MYO1B: variants seen among roughly 807,000 people sequenced by gnomAD.
The protein encoded by MYO1B is unconventional myosin-Ib.
In MYO1B, 72 loss-of-function variants were observed where a neutral mutation model predicts 159.7. That is an observed-to-expected ratio of 0.45 (90% confidence interval 0.37 to 0.55). The LOEUF (loss-of-function observed/expected upper bound fraction) is 0.55, where lower values mean the gene tolerates loss of function less well. Among genes scored for constraint, MYO1B ranks in the 20% least tolerant of loss-of-function variants. The probability of loss-of-function intolerance (pLI) is 0.00; values close to 1 mark genes in which losing one functional copy is unlikely to be tolerated. For missense variants in MYO1B, 1,062 were observed against 1,364.8 expected (o/e 0.78, Z 3.50); for synonymous variants, 468 against 473.8 (o/e 0.99, Z 0.16).
At chr2:191,322,933 G>A (rs1318043418) in intron 3 of MYO1B, among the ~76,000 whole-genome samples, 1 of 152,098 alleles carries the variant, frequency 6.6e-6, no homozygotes, top group Non-Finnish European at 1.5e-5. Flanking sequence ...AAGCCCCAAG[G>A]GCTGCTGGTT....
chr2:191,354,620 C>T (rs1693152090), intron 7 of MYO1B, among the ~76,000 whole-genome samples: 1 of 151,986 alleles, frequency 6.6e-6, no homozygotes, highest in Admixed American at 6.6e-5. Flanking sequence ...CTGACAACCC[C>T]CCGCCCCCTA....
At chr2:191,418,530 C>T (rs1697724707) in intron 30 of MYO1B, among the ~76,000 whole-genome samples, 1 of 106,088 alleles carries the variant, frequency 9.4e-6, no homozygotes, top group Admixed American at 1.5e-4. Flanking sequence ...GCTCTTGTTG[C>T]CAAGGCTGGA....
chr2:191,256,029 C>T (rs549483770), intron 1 of MYO1B, among the ~76,000 whole-genome samples: 1 of 152,290 alleles, frequency 6.6e-6, no homozygotes, highest in South Asian at 2.1e-4. Flanking sequence ...GTCTCTTAAA[C>T]ACACACTGAG....
intron 7 of MYO1B, among the ~76,000 whole-genome samples, chr2:191,357,375 G>A (rs1049185752): frequency 2.6e-5 from 4 of 152,142 alleles, no homozygotes; most frequent in Non-Finnish European, 5.9e-5. Context: ...GGTGGCGGCA[G>A]CGCAGTGGGG....
chr2:191,366,493 A>G (rs941312399), intron 11 of MYO1B, among the ~76,000 whole-genome samples: 1 of 151,904 alleles, frequency 6.6e-6, no homozygotes, highest in Non-Finnish European at 1.5e-5. Flanking sequence ...GCCTTTCCAC[A>G]TAGCTTCAAT....
chr2:191,408,204 T>C lies in MYO1B; in HGVS notation c.2631+15T>C, dbSNP rs750268587. On this transcript the variant is annotated intron_variant, in intron 25 of 30. Coordinates refer to ENST00000392318, the MANE Select transcript of MYO1B (RefSeq NM_001130158.3). ...TTCAGAGAATTGTAAGTTGACACTT[T>C]ATATCTGTGGATAATCAGCATTGTG... The C allele has an allele frequency of 1.1e-5, 18 of 1,587,642 alleles. No individual in the cohort carries two copies. The East Asian group carries it at 3.8e-4, about 34-fold the overall frequency.
intron 7 of MYO1B, among the ~76,000 whole-genome samples, chr2:191,356,025 C>G (rs1308028524): frequency 6.6e-6 from 1 of 152,070 alleles, no homozygotes; most frequent in Non-Finnish European, 1.5e-5. Flanking sequence ...CGTGGTTTTA[C>G]TCTTTTAAAT....
chr2:191,372,581 C>G (rs1211788788), intron 13 of MYO1B, among the ~76,000 whole-genome samples: 1 of 152,136 alleles, frequency 6.6e-6, no homozygotes, highest in Non-Finnish European at 1.5e-5. Context: ...GAGGATGTAT[C>G]CTATCAGGTA....
chr2:191,416,128 C>CTAG lies in MYO1B; in HGVS notation c.3176_3178dup (p.Ser1059dup), dbSNP rs1428682298. ...TTGTCCTTGCAGGGCTCAGAAGCAG[C>CTAG]TAGTAAAGGAGACTTTCTCTTCAGC... is the stretch of plus-strand genomic sequence containing the variant. On this transcript the variant is annotated inframe_insertion, in exon 30 of 31. Transcript: ENST00000392318. The CTAG allele has an allele frequency of 6.2e-7, 1 of 1,613,942 alleles. No individual in the cohort carries two copies. The highest frequency in any genetic ancestry group is 1.3e-5 in the African/African-American group (1 of 75,006).
intron 2 of MYO1B, among the ~76,000 whole-genome samples, chr2:191,292,059 A>G (rs1250837347): frequency 1.3e-5 from 2 of 152,244 alleles, no homozygotes; most frequent in Non-Finnish European, 1.5e-5. Flanking sequence ...AAATCCATAA[A>G]CAGAAAGGGC....
intron 24 of MYO1B, among the ~76,000 whole-genome samples, chr2:191,404,876 G>T (rs1368444779): frequency 6.6e-6 from 1 of 152,208 alleles, no homozygotes; most frequent in South Asian, 2.1e-4. Flanking sequence ...GATGTCGATG[G>T]CTGCTGACTG....
At chr2:191,375,402 A>G (rs556950563) in intron 13 of MYO1B, among the ~76,000 whole-genome samples, 8 of 152,210 alleles carry the variant, frequency 5.3e-5, no homozygotes, top group African/African-American at 1.9e-4. Flanking sequence ...AAAGCTTATA[A>G]TTGAAGAGGA....
chr2:191,255,650 T>C (rs1157614803), intron 1 of MYO1B, among the ~76,000 whole-genome samples: 1 of 152,254 alleles, frequency 6.6e-6, no homozygotes, highest in East Asian at 1.9e-4. Context: ...AACAGTGTTT[T>C]ACACACTATT....
Position 191,423,691 on chromosome 2 carries a change from T to C in MYO1B, c.3288-146T>C, listed in dbSNP as rs1055974715. On this transcript the variant is annotated intron_variant, in intron 30 of 30. Transcript: ENST00000392318. ...GTCAGTGCTTTAAACATTTCAGAGT[T>C]TGGAGGTTTCAGATTTTCGGATTAG... 1.8e-5 allele frequency: 13 copies of C among 712,056 alleles called. No homozygotes were observed. In the Admixed American group the frequency reaches 2.6e-4, roughly 14 times the overall value. The allele number at this position is 712,056 out of a possible 1,614,324, so 44.1% of individuals were successfully genotyped here. A position where few individuals can be genotyped will look rare whatever the true frequency, so the allele number is the denominator to read the frequency against.
chr2:191,340,872 C>T (rs899505959), intron 4 of MYO1B, among the ~76,000 whole-genome samples: 6 of 151,846 alleles, frequency 4.0e-5, no homozygotes, highest in East Asian at 1.9e-4. Flanking sequence ...ACTACAGGCA[C>T]GTGCCACCAT....
rs527440233 is a variant in MYO1B, at chr2:191,329,826, C to G, written c.252-109C>G. 5 of 781,478 alleles carry G rather than the reference C, an allele frequency of 6.4e-6. No individual in the cohort carries two copies. The Admixed American group carries it at 1.3e-4, about 20-fold the overall frequency. The allele number at this position is 781,478 out of a possible 1,614,324, so 48.4% of individuals were successfully genotyped here. On this transcript the variant is annotated intron_variant, in intron 3 of 30. Transcript: ENST00000392318. Reference sequence around the variant, plus strand: ...AAAGGAAATAAAAGGTGATAGCTTGCTTTCCAAAAGCATATCACAGTGGCC... The same window carrying G: ...AAAGGAAATAAAAGGTGATAGCTTGGTTTCCAAAAGCATATCACAGTGGCC...
At chr2:191,378,767 A>T (rs910866877) in intron 13 of MYO1B, among the ~76,000 whole-genome samples, 13 of 152,104 alleles carry the variant, frequency 8.5e-5, no homozygotes, top group Non-Finnish European at 1.5e-5. Flanking sequence ...AATGTTTTTC[A>T]GGGCTGCTTC....
intron 2 of MYO1B, among the ~76,000 whole-genome samples, chr2:191,283,074 TC>T (rs1292189432): frequency 2.0e-5 from 3 of 152,226 alleles, no homozygotes; most frequent in African/African-American, 7.2e-5. Context: ...ATGTCTAATT[TC>T]TGAGCACCAT....
chr2:191,346,760 G>A (rs1414984394), intron 6 of MYO1B, among the ~76,000 whole-genome samples: 1 of 152,150 alleles, frequency 6.6e-6, no homozygotes, highest in Admixed American at 6.5e-5. Context: ...GTGAGCGTGG[G>A]GCTGTAGAGT....
Sources: gnomAD v4.1 joint callset for allele counts (sites outside exome capture counted in the v4.1 genomes callset) on GRCh38, gnomAD v4.1.1 for gene constraint, MANE v1.5 for transcripts, NCBI Gene and HGNC (gene_info 2026-07-23, HGNC 2026-07-21) for gene names.